CDH18: variants seen among roughly 807,000 people sequenced by gnomAD.
CDH18 encodes the protein cadherin-18.
Under a neutral mutation model 67.9 loss-of-function variants are expected in CDH18, and 31 were observed. The ratio of observed to expected loss-of-function variants is 0.46; its 90% CI spans 0.34 to 0.62. CDH18 has a LOEUF of 0.62. Among genes scored for constraint, CDH18 ranks in the 20% least tolerant of loss-of-function variants. The pLI, the probability that CDH18 is intolerant of heterozygous loss-of-function variation, is 0.01. For synonymous variants in CDH18, 362 were observed against 347.2 expected, an observed-to-expected ratio of 1.04 and a Z score of -0.48; for missense variants, 890 against 975.5, an observed-to-expected ratio of 0.91 and a Z score of 1.17.
chr5:20,046,595 A>G (rs1048467326), intron 2 of CDH18, among the ~76,000 whole-genome samples: 1 of 149,476 alleles, frequency 6.7e-6, no homozygotes, highest in African/African-American at 2.4e-5. Flanking sequence ...ATGCATACCT[A>G]TATGTATGTA....
At position 19,591,776 on chromosome 5, in the gene CDH18, A is replaced by G. The variant is rs1435701652; in HGVS notation, c.812-532T>C. On this transcript the variant is annotated intron_variant, in intron 6 of 12. Coordinates refer to ENST00000382275, the MANE Select transcript of CDH18 (RefSeq NM_004934.5). ...TGTCCGAGAACGTGAATGTAGTTAC[A>G]TATTTCTTTAGCATAAATTCCCTAT... is the stretch of plus-strand genomic sequence containing the variant. 3.9e-5 allele frequency among the ~76,000 whole-genome samples: 6 copies of G among 152,256 alleles called. No homozygotes were observed. In the East Asian group the frequency reaches 1.2e-3, roughly 29 times the overall value.
chr5:20,407,373 A>G (rs1258259474), intron 1 of CDH18, among the ~76,000 whole-genome samples: 1 of 152,104 alleles, frequency 6.6e-6, no homozygotes, highest in South Asian at 2.1e-4. Context: ...GGGTAGCACA[A>G]AGGTTTTAGA....
At chr5:19,707,692 T>C (rs934413470) in intron 5 of CDH18, among the ~76,000 whole-genome samples, 4 of 152,238 alleles carry the variant, frequency 2.6e-5, no homozygotes, top group African/African-American at 4.8e-5. Context: ...ACAGTTACAC[T>C]TGCTTTCTGG....
chr5:19,591,166 G>A lies in CDH18; in HGVS notation c.890C>T (p.Thr297Ile), dbSNP rs762247882. ...GTAGGTCATGTCAGCATTTGAGCCAGTGTCAGCATCATTTGCCTTGATTTT... is the reference window on the plus strand; with the variant it reads ...GTAGGTCATGTCAGCATTTGAGCCAATGTCAGCATCATTTGCCTTGATTTT... ...VGKIKANDAD[T>I]GSNADMTYSI... The change falls in exon 7 of 13, where the codon ACT (threonine) becomes ATT (isoleucine). Residue 297 changes from threonine (T) to isoleucine (I), a missense_variant. By Grantham distance (89) the Thr-to-Ile change is moderately conservative. Coordinates refer to ENST00000382275, the MANE Select transcript of CDH18 (RefSeq NM_004934.5). The A allele has an allele frequency of 3.1e-6, 5 of 1,612,528 alleles. No homozygotes were observed. Among genetic ancestry groups the A allele is most frequent in the Non-Finnish European group, 4.2e-6 (5 of 1,179,002 alleles).
intron 2 of CDH18, among the ~76,000 whole-genome samples, chr5:19,965,757 G>A (rs1428762642): frequency 6.7e-6 from 1 of 148,356 alleles, no homozygotes; most frequent in African/African-American, 2.6e-5. Flanking sequence ...GAAAGAGAGA[G>A]GCGGGTAGAA....
intron 2 of CDH18, among the ~76,000 whole-genome samples, chr5:20,010,128 C>A (rs1245352205): frequency 2.0e-5 from 3 of 151,074 alleles, no homozygotes. Context: ...CTATATTATT[C>A]TCTCATTTAC....
intron 3 of CDH18, among the ~76,000 whole-genome samples, chr5:19,788,042 A>T (rs1489729973): frequency 1.3e-5 from 2 of 151,662 alleles, no homozygotes; most frequent in East Asian, 3.9e-4. Flanking sequence ...ATCTATAAAA[A>T]CCTCTGCCTA....
intron 4 of CDH18, among the ~76,000 whole-genome samples, chr5:19,730,676 A>G (rs1355906357): frequency 2.0e-5 from 3 of 152,154 alleles, no homozygotes; most frequent in Non-Finnish European, 4.4e-5. Context: ...CTATGTGGAC[A>G]ATCTGTGGTT....
chr5:19,992,308 T>C (rs770588006), upstream of CDH18, among the ~76,000 whole-genome samples: 1 of 152,112 alleles, frequency 6.6e-6, no homozygotes, highest in Non-Finnish European at 1.5e-5. Flanking sequence ...TACACACATA[T>C]TTTATTTCTG....
chr5:19,765,872 T>A lies in CDH18; in HGVS notation c.229-18636A>T, dbSNP rs1484586320. 3.7e-5 allele frequency among the ~76,000 whole-genome samples: 4 copies of A among 109,188 alleles called. No individual in the cohort carries two copies. The Admixed American group carries it at 4.8e-4, about 13-fold the overall frequency. The allele number at this position is 109,188 out of a possible 152,430, so 71.6% of individuals were successfully genotyped here. ...AGTTCATTAAAAATGGAAATTTTATTCAAAAAACATTTTTTTTTTTCTTTT... is the reference window on the plus strand; with the variant it reads ...AGTTCATTAAAAATGGAAATTTTATACAAAAAACATTTTTTTTTTTCTTTT... On this transcript the variant is annotated intron_variant, in intron 3 of 12. Coordinates refer to ENST00000382275, the MANE Select transcript of CDH18 (RefSeq NM_004934.5).
chr5:20,197,666 T>C (rs1055702403), intron 2 of CDH18, among the ~76,000 whole-genome samples: 3 of 152,164 alleles, frequency 2.0e-5, no homozygotes, highest in East Asian at 1.9e-4. Context: ...TGGCATGGCA[T>C]TTATTTCTGG....
intron 2 of CDH18, among the ~76,000 whole-genome samples, chr5:20,126,452 T>C (rs187140774): frequency 8.2e-4 from 125 of 152,144 alleles, no homozygotes; most frequent in African/African-American, 2.9e-3. Context: ...AAAACTAAAG[T>C]AGAGAGGTGG....
chr5:19,935,176 T>C (rs1363437655), intron 2 of CDH18, among the ~76,000 whole-genome samples: 1 of 151,298 alleles, frequency 6.6e-6, no homozygotes, highest in Non-Finnish European at 1.5e-5. Context: ...ATTAGAAATA[T>C]ACCTGTTCAT....
chr5:19,564,939 G>A (rs1346843528), intron 8 of CDH18, among the ~76,000 whole-genome samples: 1 of 152,046 alleles, frequency 6.6e-6, no homozygotes, highest in Admixed American at 6.6e-5. Flanking sequence ...CATACCACAT[G>A]GGGAGAAACT....
At chr5:19,842,914 C>G (rs1250965971) in intron 2 of CDH18, among the ~76,000 whole-genome samples, 2 of 152,154 alleles carry the variant, frequency 1.3e-5, no homozygotes, top group African/African-American at 4.8e-5. Context: ...AGCAAAGAGA[C>G]TGGTGCCATT....
chr5:19,988,563 GGACTCCGT>G (rs1799789258), upstream of CDH18, among the ~76,000 whole-genome samples: 1 of 152,078 alleles, frequency 6.6e-6, no homozygotes, highest in Non-Finnish European at 1.5e-5. Flanking sequence ...ATGACGGCCA[GGACTCCGT>G]GACAGTTTAG....
At chr5:20,277,314 ACT>A (rs1289797084) in intron 1 of CDH18, among the ~76,000 whole-genome samples, 1 of 151,860 alleles carries the variant, frequency 6.6e-6, no homozygotes. Flanking sequence ...AGAGAGAGAG[ACT>A]CTGCTTGTTT....
intron 3 of CDH18, among the ~76,000 whole-genome samples, chr5:19,751,803 A>T (rs1770882132): frequency 1.3e-5 from 2 of 152,222 alleles, no homozygotes; most frequent in African/African-American, 4.8e-5. Context: ...TTTTATTTTT[A>T]AAAATTTAAT....
intron 2 of CDH18, among the ~76,000 whole-genome samples, chr5:19,850,550 C>T (rs928687590): frequency 2.6e-5 from 4 of 151,712 alleles, no homozygotes; most frequent in African/African-American, 4.8e-5. Context: ...CCTGTCCTTG[C>T]AAACTAGGAT....
Sources: allele counts gnomAD v4.1 joint callset (sites outside exome capture counted in the v4.1 genomes callset), GRCh38; gene constraint gnomAD v4.1.1; transcripts MANE v1.5; gene names NCBI Gene and HGNC (gene_info 2026-07-23, HGNC 2026-07-21).